NAV3: variants seen among roughly 807,000 people sequenced by gnomAD.
NAV3 encodes neuron navigator 3.
Under a neutral mutation model 244.7 loss-of-function variants are expected in NAV3, and 87 were observed. The ratio of observed to expected loss-of-function variants is 0.36; its 90% confidence interval spans 0.30 to 0.42. NAV3 has a LOEUF of 0.42. Ranked by LOEUF, NAV3 falls within the 20% of genes least tolerant of loss-of-function variation. NAV3 has a pLI of 1.00. For missense variants in NAV3, 2,663 were observed against 2,893.3 expected, an observed-to-expected ratio of 0.92 and a Z score of 1.83; for synonymous variants, 1,126 against 1,042.2, an observed-to-expected ratio of 1.08 and a Z score of -1.55.
chr12:78,103,878 G>T (rs1367849803), intron 12 of NAV3, among the ~76,000 whole-genome samples: 8 of 152,222 alleles, frequency 5.3e-5, no homozygotes, highest in Non-Finnish European at 1.2e-4. Flanking sequence ...TACAATTCAA[G>T]ATGAGATTTG....
At chr12:77,847,464 A>C (rs1876833523) in intron 1 of NAV3, among the ~76,000 whole-genome samples, 1 of 152,186 alleles carries the variant, frequency 6.6e-6, no homozygotes, top group Non-Finnish European at 1.5e-5. Flanking sequence ...ATCTATGTGA[A>C]TCAAGCTGAG....
intron 12 of NAV3, among the ~76,000 whole-genome samples, chr12:78,086,602 A>G (rs908824236): frequency 6.6e-6 from 1 of 152,030 alleles, no homozygotes; most frequent in Admixed American, 6.6e-5. Flanking sequence ...TTAAATTTGT[A>G]TGCCTAATGA....
At chr12:77,821,082 T>A (rs1340234987) in intron 2 of NAV3, among the ~76,000 whole-genome samples, 1 of 100,880 alleles carries the variant, frequency 9.9e-6, no homozygotes, top group Non-Finnish European at 2.4e-5. Context: ...CACACACACA[T>A]GTTCGCACAA....
At chr12:77,699,213 T>G (rs1463225777) in intron 2 of NAV3, among the ~76,000 whole-genome samples, 2 of 152,006 alleles carry the variant, frequency 1.3e-5, no homozygotes. Flanking sequence ...ACTAACAGGG[T>G]TGTCTGGCCT....
chr12:77,977,522 T>A (rs575945723), intron 5 of NAV3, among the ~76,000 whole-genome samples: 1 of 152,170 alleles, frequency 6.6e-6, no homozygotes, highest in African/African-American at 2.4e-5. Flanking sequence ...TTCTCCTCCA[T>A]CCACTAACAA....
intron 19 of NAV3, among the ~76,000 whole-genome samples, chr12:78,139,459 A>T (rs1956511917): frequency 6.6e-6 from 1 of 152,110 alleles, no homozygotes; most frequent in African/African-American, 2.4e-5. Context: ...TAGTTCCAGG[A>T]TCTAGCAACA....
At chr12:78,047,545 C>T (rs577270896) in intron 9 of NAV3, among the ~76,000 whole-genome samples, 13 of 152,210 alleles carry the variant, frequency 8.5e-5, no homozygotes, top group Admixed American at 7.8e-4. Flanking sequence ...CCCTCACTCC[C>T]TCTGGCTTTT....
At chr12:78,194,503 G>A (rs300501) in intron 34 of NAV3, among the ~76,000 whole-genome samples, 85,366 of 151,782 alleles carry the variant, frequency 0.56, 24,436 homozygotes, top group East Asian at 0.82. Flanking sequence ...AAAACATCAC[G>A]TTGTTCCTTG....
At chr12:77,660,389 G>A (rs996094470) in intron 2 of NAV3, among the ~76,000 whole-genome samples, 21 of 152,108 alleles carry the variant, frequency 1.4e-4, no homozygotes, top group Non-Finnish European at 2.2e-4. Context: ...TATTAAGCTG[G>A]GAATTTGGCA....
intron 35 of NAV3, among the ~76,000 whole-genome samples, chr12:78,198,127 G>A (rs1303371013): frequency 6.6e-6 from 1 of 151,790 alleles, no homozygotes; most frequent in African/African-American, 2.4e-5. Context: ...TTTTAATAGT[G>A]TCAAATATTC....
At chr12:78,176,326 T>C (rs1052646152) in intron 25 of NAV3, 113 bp from the exon 26 acceptor site, 2 of 1,018,198 alleles carry the variant, frequency 2.0e-6, no homozygotes, top group African/African-American at 3.3e-5. Flanking sequence ...CTACAAATAA[T>C]GAAAGAAATA....
chr12:77,702,830 T>C (rs1875620901), intron 2 of NAV3, among the ~76,000 whole-genome samples: 1 of 30,814 alleles, frequency 3.2e-5, no homozygotes, highest in South Asian at 3.0e-3. Context: ...AAATAGATAG[T>C]ATTTTGTATT....
At chr12:77,763,992 C>T (rs1470943160) in intron 2 of NAV3, among the ~76,000 whole-genome samples, 3 of 152,174 alleles carry the variant, frequency 2.0e-5, no homozygotes, top group East Asian at 1.9e-4. Context: ...AGAGGGGCCT[C>T]GTTTTCCTGG....
chr12:77,991,112 G>A (rs7963468), intron 5 of NAV3, among the ~76,000 whole-genome samples: 125,145 of 151,962 alleles, frequency 0.82, 51,670 homozygotes, highest in Admixed American at 0.87. Context: ...TGCAACCTCC[G>A]CCTCCTGGGT....
At chr12:78,024,384 C>G (rs1877657547) in intron 9 of NAV3, among the ~76,000 whole-genome samples, 1 of 152,148 alleles carries the variant, frequency 6.6e-6, no homozygotes. Context: ...CTATGTAATG[C>G]TCCTGGCAGT....
At chr12:78,101,982 A>T (rs1018232994) in intron 12 of NAV3, among the ~76,000 whole-genome samples, 1 of 152,278 alleles carries the variant, frequency 6.6e-6, no homozygotes, top group South Asian at 2.1e-4. Flanking sequence ...TGTGCGAAAA[A>T]GTTATACTGA....
At chr12:77,709,400 G>A (rs1350179811) in intron 2 of NAV3, among the ~76,000 whole-genome samples, 1 of 152,102 alleles carries the variant, frequency 6.6e-6, no homozygotes, top group Admixed American at 6.5e-5. Context: ...CACAAGACAG[G>A]GATGCCCTCT....
chr12:77,693,067 A>G (rs1875111550), intron 2 of NAV3, among the ~76,000 whole-genome samples: 1 of 152,164 alleles, frequency 6.6e-6, no homozygotes, highest in Non-Finnish European at 1.5e-5. Flanking sequence ...AAATAGAAAG[A>G]AAGCCAAAGT....
At chr12:77,999,771 G>A (rs190839589) in intron 7 of NAV3, among the ~76,000 whole-genome samples, 95 of 152,100 alleles carry the variant, frequency 6.2e-4, no homozygotes, top group Admixed American at 2.4e-3. Flanking sequence ...CTGGGGCTAA[G>A]GGAGGTGACA....
Sources: gnomAD v4.1 joint callset for allele counts (sites outside exome capture counted in the v4.1 genomes callset) on GRCh38, gnomAD v4.1.1 for gene constraint, MANE v1.5 for transcripts, NCBI Gene and HGNC (gene_info 2026-07-23, HGNC 2026-07-21) for gene names.